Variants in PCMT1 observed in about 807,000 individuals in gnomAD.
The protein encoded by PCMT1 is protein-L-isoaspartate(D-aspartate) O-methyltransferase.
Under a neutral mutation model 29.2 loss-of-function variants are expected in PCMT1, and 9 were observed. That is an observed-to-expected ratio of 0.31 (90% confidence interval 0.19 to 0.54). PCMT1 has a LOEUF of 0.54. Ranked by LOEUF, PCMT1 falls within the 20% of genes least tolerant of loss-of-function variation. PCMT1 has a pLI of 0.95. For missense variants in PCMT1, 184 were observed against 282.2 expected, an observed-to-expected ratio of 0.65 and a Z score of 2.49; for synonymous variants, 98 against 97.5, an observed-to-expected ratio of 1.00 and a Z score of -0.03.
At chr6:149,804,546 C>T (rs550764095) in intron 7 of PCMT1, among the ~76,000 whole-genome samples, 26 of 152,068 alleles carry the variant, frequency 1.7e-4, no homozygotes, top group Non-Finnish European at 3.7e-4. Context: ...GAGTCCTGCT[C>T]TGTTACCCAG....
At chr6:149,776,424 G>A (rs1284222653) in intron 3 of PCMT1, among the ~76,000 whole-genome samples, 2 of 151,770 alleles carry the variant, frequency 1.3e-5, no homozygotes, top group Non-Finnish European at 2.9e-5. Flanking sequence ...GCTAATTTTT[G>A]TATTTTTAGT....
chr6:149,789,890 C>T (rs1276991327), intron 3 of PCMT1, 64 bp from the exon 4 acceptor site: 3 of 1,110,138 alleles, frequency 2.7e-6, no homozygotes, highest in Non-Finnish European at 3.8e-6. Context: ...AAGTTGGCAA[C>T]TTTATTTATA....
At position 149,749,797 on chromosome 6, in the gene PCMT1, A is replaced by G. The variant is rs1277602861; in HGVS notation, c.-105A>G. ...CAGCGGCAGCTACAGCGGGGACGCGAGCGGGGCGGTGACGGTGTGGGAGGT... is the reference window on the plus strand; with the variant it reads ...CAGCGGCAGCTACAGCGGGGACGCGGGCGGGGCGGTGACGGTGTGGGAGGT... On this transcript the variant is annotated 5_prime_UTR_variant, in exon 1 of 8. Transcript: ENST00000464889. 1.9e-6 allele frequency: 3 copies of G among 1,551,950 alleles called. No individual in the cohort carries two copies. The highest frequency in any genetic ancestry group is 2.6e-6 in the Non-Finnish European group (3 of 1,147,112).
intron 3 of PCMT1, among the ~76,000 whole-genome samples, chr6:149,785,910 A>C (rs1158784579): frequency 6.6e-6 from 1 of 151,910 alleles, no homozygotes; most frequent in Non-Finnish European, 1.5e-5. Context: ...CCCGTTCTCA[A>C]TGAGCTGTTG....
chr6:149,781,755 CAT>C (rs1029546107), intron 3 of PCMT1, among the ~76,000 whole-genome samples: 8 of 152,146 alleles, frequency 5.3e-5, no homozygotes, highest in African/African-American at 1.7e-4. Context: ...ATACACATAA[CAT>C]AAAATTTACC....
At chr6:149,788,294 A>G (rs906205309) in intron 3 of PCMT1, among the ~76,000 whole-genome samples, 3 of 152,346 alleles carry the variant, frequency 2.0e-5, no homozygotes, top group African/African-American at 7.2e-5. Context: ...CAGCATTGAT[A>G]TAACACTATT....
At chr6:149,754,363 C>A (rs9766004) in intron 1 of PCMT1, among the ~76,000 whole-genome samples, 4 of 151,876 alleles carry the variant, frequency 2.6e-5, no homozygotes, top group African/African-American at 9.7e-5. Context: ...AATTTGAAAC[C>A]GTGAGCCTGC....
chr6:149,752,488 C>A (rs951349274), intron 1 of PCMT1, among the ~76,000 whole-genome samples: 2 of 152,080 alleles, frequency 1.3e-5, no homozygotes, highest in Non-Finnish European at 2.9e-5. Flanking sequence ...TGTGAGCCAC[C>A]ACGCCCAGCC....
chr6:149,762,351 C>T (rs939187940), intron 1 of PCMT1, among the ~76,000 whole-genome samples: 2 of 151,334 alleles, frequency 1.3e-5, no homozygotes, highest in Admixed American at 1.3e-4. Flanking sequence ...GCAAGCAGAT[C>T]GGGTATGGGT....
chr6:149,782,565 G>A (rs1038712275), intron 3 of PCMT1, among the ~76,000 whole-genome samples: 11 of 152,200 alleles, frequency 7.2e-5, no homozygotes, highest in African/African-American at 2.7e-4. Flanking sequence ...CCTTGGAGTA[G>A]TGACTGACAT....
At chr6:149,754,510 A>G (rs1442441543) in intron 1 of PCMT1, among the ~76,000 whole-genome samples, 3 of 152,196 alleles carry the variant, frequency 2.0e-5, no homozygotes, top group Non-Finnish European at 4.4e-5. Context: ...GAGCAGGGGT[A>G]TTTAAACCAG....
intron 3 of PCMT1, among the ~76,000 whole-genome samples, chr6:149,787,089 A>C (rs1211328462): frequency 4.5e-4 from 63 of 140,798 alleles, no homozygotes; most frequent in African/African-American, 1.5e-3. Flanking sequence ...CAGCCCGGCC[A>C]ACACAGCGAA....
chr6:149,782,334 A>G (rs1787848758), intron 3 of PCMT1, among the ~76,000 whole-genome samples: 1 of 152,192 alleles, frequency 6.6e-6, no homozygotes, highest in Non-Finnish European at 1.5e-5. Flanking sequence ...GTGAGGATGC[A>G]AAGAGAAATG....
chr6:149,789,012 G>T (rs994382517), intron 3 of PCMT1, among the ~76,000 whole-genome samples: 1 of 150,248 alleles, frequency 6.7e-6, no homozygotes, highest in Non-Finnish European at 1.5e-5. Context: ...TAATGGATGG[G>T]TATTTTTATC....
At chr6:149,791,885 T>C (rs1318304307) in intron 4 of PCMT1, among the ~76,000 whole-genome samples, 3 of 152,212 alleles carry the variant, frequency 2.0e-5, no homozygotes, top group Admixed American at 2.0e-4. Context: ...GGCATTAATG[T>C]TTTTCACACA....
At chr6:149,804,495 C>CTTAAT (rs144587020) in intron 7 of PCMT1, among the ~76,000 whole-genome samples, 1 of 151,952 alleles carries the variant, frequency 6.6e-6, no homozygotes, top group Non-Finnish European at 1.5e-5. Context: ...TGACCCTGTT[C>CTTAAT]TTAATTTAAT....
At chr6:149,767,233 A>G (rs1207181884) in intron 1 of PCMT1, among the ~76,000 whole-genome samples, 1 of 148,506 alleles carries the variant, frequency 6.7e-6, no homozygotes, top group Non-Finnish European at 1.5e-5. Context: ...AAATTCATTC[A>G]TGTTGGGTAT....
intron 7 of PCMT1, among the ~76,000 whole-genome samples, chr6:149,808,562 A>G (rs899041378): frequency 9.2e-5 from 14 of 152,000 alleles, no homozygotes; most frequent in African/African-American, 3.4e-4. Flanking sequence ...AATGGTACCT[A>G]TGTTGTTGAG....
chr6:149,798,514 A>G (rs1788703097), intron 6 of PCMT1, among the ~76,000 whole-genome samples: 1 of 152,220 alleles, frequency 6.6e-6, no homozygotes. Flanking sequence ...CTGATTTAAG[A>G]TAGATGTACT....
Sources: gnomAD v4.1 joint callset for allele counts (sites outside exome capture counted in the v4.1 genomes callset) on GRCh38, gnomAD v4.1.1 for gene constraint, MANE v1.5 for transcripts, NCBI Gene and HGNC (gene_info 2026-07-23, HGNC 2026-07-21) for gene names.